The following ADAM22 variants were observed in gnomAD, a reference collection of about 807,000 sequenced individuals.
The protein encoded by ADAM22 is ADAM metallopeptidase domain 22.
In ADAM22, 65 loss-of-function variants were observed where a neutral mutation model predicts 144.6. The ratio of observed to expected loss-of-function variants is 0.45; its 90% CI spans 0.37 to 0.55. ADAM22 has a LOEUF of 0.55. Among genes scored for constraint, ADAM22 ranks in the 20% least tolerant of loss-of-function variants. The pLI, the probability that ADAM22 is intolerant of heterozygous loss-of-function variation, is 0.00. For synonymous variants in ADAM22, 391 were observed against 412.6 expected (o/e 0.95, Z 0.63); for missense variants, 974 against 1,184.9 (o/e 0.82, Z 2.61).
At chr7:88,071,896 C>A (rs1190592777) in intron 3 of ADAM22, among the ~76,000 whole-genome samples, 1 of 152,018 alleles carries the variant, frequency 6.6e-6, no homozygotes, top group Non-Finnish European at 1.5e-5. Context: ...AGGAGGTCTT[C>A]CATTTTCCTA....
intron 4 of ADAM22, among the ~76,000 whole-genome samples, chr7:88,095,554 T>C (rs1821024547): frequency 6.6e-6 from 1 of 152,166 alleles, no homozygotes; most frequent in Non-Finnish European, 1.5e-5. Flanking sequence ...GCTTGCCTGA[T>C]GGTAAGCGCA....
chr7:87,947,675 A>G (rs988844247), intron 2 of ADAM22, among the ~76,000 whole-genome samples: 3 of 152,210 alleles, frequency 2.0e-5, no homozygotes, highest in East Asian at 3.8e-4. Context: ...GAAAAGTACT[A>G]TTTATTCATA....
intron 3 of ADAM22, among the ~76,000 whole-genome samples, chr7:88,059,510 C>T (rs187687986): frequency 7.9e-5 from 12 of 152,264 alleles, no homozygotes; most frequent in Admixed American, 4.6e-4. Flanking sequence ...AAGCAAGTCA[C>T]GTACATTTTA....
intron 7 of ADAM22, among the ~76,000 whole-genome samples, chr7:88,120,293 C>T (rs1203396321): frequency 1.3e-5 from 2 of 152,020 alleles, no homozygotes; most frequent in African/African-American, 2.4e-5. Flanking sequence ...TGGTCATTTA[C>T]ATTAGTTATA....
intron 22 of ADAM22, among the ~76,000 whole-genome samples, chr7:88,161,545 G>T (rs954006891): frequency 2.0e-5 from 3 of 152,050 alleles, no homozygotes; most frequent in Non-Finnish European, 4.4e-5. Flanking sequence ...TACAGAATGG[G>T]AAAATTCTTT....
chr7:88,135,621 A>G (rs1832834346), intron 13 of ADAM22, among the ~76,000 whole-genome samples: 1 of 152,210 alleles, frequency 6.6e-6, no homozygotes, highest in South Asian at 2.1e-4. Flanking sequence ...AAATTATAAT[A>G]GTTCTCATAA....
intron 4 of ADAM22, among the ~76,000 whole-genome samples, chr7:88,107,355 C>G (rs1293858751): frequency 4.6e-5 from 6 of 131,494 alleles, no homozygotes; most frequent in Non-Finnish European, 9.6e-5. Flanking sequence ...GCATGCACTA[C>G]CACATCCAGC....
chr7:87,980,331 G>C (rs1853043176), intron 3 of ADAM22, among the ~76,000 whole-genome samples: 1 of 127,320 alleles, frequency 7.9e-6, no homozygotes, highest in Non-Finnish European at 1.5e-5. Context: ...TAGGTGGCAG[G>C]TGGCTGTTAT....
At chr7:87,961,084 G>A (rs1402057801) in intron 2 of ADAM22, among the ~76,000 whole-genome samples, 1 of 152,132 alleles carries the variant, frequency 6.6e-6, no homozygotes, top group Admixed American at 6.6e-5. Context: ...ATGGAGACTG[G>A]TAGTGCAGGG....
rs536971990 is a variant in ADAM22 at position 88,168,843 on chromosome 7, T to C, written c.2282+616T>C. On this transcript the variant is annotated intron_variant, in intron 25 of 31. Transcript: ENST00000413139. ...TCCACAGGCCTGGGGTTTTTCTCCA[T>C]TTGGAAGGCCTGCAGCTTGTGCTAG... 2.0e-5 allele frequency among the ~76,000 whole-genome samples: 3 copies of C among 152,290 alleles called. No homozygotes were observed. The South Asian group carries it at 6.2e-4, about 32-fold the overall frequency.
At chr7:88,178,318 G>T (rs1295242096) in intron 26 of ADAM22, among the ~76,000 whole-genome samples, 1 of 151,922 alleles carries the variant, frequency 6.6e-6, no homozygotes, top group Non-Finnish European at 1.5e-5. Context: ...TCCTTCACAT[G>T]TTCCACTGAA....
At chr7:88,044,449 CT>C in intron 3 of ADAM22, among the ~76,000 whole-genome samples, 1 of 152,116 alleles carries the variant, frequency 6.6e-6, no homozygotes, top group South Asian at 2.1e-4. Flanking sequence ...ATAATGGAGA[CT>C]TTTTGTTTGT....
chr7:88,125,739 G>A, intron 8 of ADAM22, 80 bp downstream of exon 8: 1 of 1,140,148 alleles, frequency 8.8e-7, no homozygotes, highest in Non-Finnish European at 1.2e-6. Flanking sequence ...GTAAGTCTGT[G>A]TGAGAGGGTG....
chr7:88,018,782 A>G (rs1460004737), intron 3 of ADAM22, among the ~76,000 whole-genome samples: 1 of 152,220 alleles, frequency 6.6e-6, no homozygotes, highest in Non-Finnish European at 1.5e-5. Context: ...ATTGTTTCTT[A>G]GCAGTGAATA....
intron 4 of ADAM22, among the ~76,000 whole-genome samples, chr7:88,097,278 A>G (rs1821632059): frequency 6.7e-6 from 1 of 148,530 alleles, no homozygotes. Context: ...CAGCCTCCCC[A>G]GTAGCTGGAA....
chr7:88,052,773 T>G lies in ADAM22; in HGVS notation c.324-22853T>G, dbSNP rs147016605. ...TTAACTTTCCCATGTCCTTCCCCGGTCAGCTATCCTGTTTGCCTTAAATTC... is the reference window on the plus strand; with the variant it reads ...TTAACTTTCCCATGTCCTTCCCCGGGCAGCTATCCTGTTTGCCTTAAATTC... On this transcript the variant is annotated intron_variant, in intron 3 of 31. Transcript: ENST00000413139. Among the ~76,000 whole-genome samples the G allele has an allele frequency of 1.7e-3, 253 of 152,316 alleles. 1 individual carries two copies. Among genetic ancestry groups the G allele is most frequent in the Non-Finnish European group, 2.8e-3 (188 of 68,020 alleles).
chr7:88,192,308 T>G (rs1247387567), intron 30 of ADAM22, among the ~76,000 whole-genome samples: 3 of 152,228 alleles, frequency 2.0e-5, no homozygotes, highest in East Asian at 3.8e-4. Flanking sequence ...TGATATCTTA[T>G]GAGCAGACAT....
At chr7:87,944,816 G>GTTTTTTTTTTTTTTTTTTT (rs11311070) in intron 2 of ADAM22, among the ~76,000 whole-genome samples, 21 of 127,018 alleles carry the variant, frequency 1.7e-4, no homozygotes, top group African/African-American at 2.0e-4. Context: ...GGAAACTTGT[G>GTTTTTTTTTTTTTTTTTTT]TTTTTTTTTT....
At position 88,073,799 on chromosome 7, in the gene ADAM22, A is replaced by G. The variant is rs751051954; in HGVS notation, c.324-1827A>G. Among the ~76,000 whole-genome samples the G allele has an allele frequency of 2.6e-5, 4 of 152,194 alleles. 1 individual carries two copies. Among genetic ancestry groups the G allele is most frequent in the Non-Finnish European group, 5.9e-5 (4 of 68,042 alleles). ...AGAGTTGAGGTTTGGGCAAGCCCCA[A>G]AGATAGCAGTCGTCCCAAGCTAATA... On this transcript the variant is annotated intron_variant, in intron 3 of 31. Transcript: ENST00000413139.
Sources: allele counts gnomAD v4.1 joint callset (sites outside exome capture counted in the v4.1 genomes callset), GRCh38; gene constraint gnomAD v4.1.1; transcripts MANE v1.5; gene names NCBI Gene and HGNC (gene_info 2026-07-23, HGNC 2026-07-21).